The following CYP26C1 variants were observed in gnomAD, a reference collection of about 807,000 sequenced individuals.
CYP26C1 encodes the protein cytochrome P450 family 26 subfamily C member 1.
CYP26C1 carries 41 observed loss-of-function variants against 39.1 expected under a neutral mutation model. The observed-to-expected ratio is 1.05, with a 90% confidence interval of 0.82 to 1.36. The LOEUF is 1.36. CYP26C1 is among the 40% of genes most tolerant of loss of function. The pLI, the probability that CYP26C1 is intolerant of heterozygous loss-of-function variation, is 0.00. For synonymous variants in CYP26C1, 362 were observed against 350.8 expected (o/e 1.03, Z -0.36); for missense variants, 833 against 752.0 (o/e 1.11, Z -1.26).
rs1239833711 is a variant in CYP26C1 at position 93,062,200 on chromosome 10, G to T, written c.395G>T (p.Gly132Val). ...HILLGSHTLL[G>V]AVGEPHRRRR... ...CTGCTGGGCTCGCACACACTGCTAGGTGCGGTCGGCGAGCCGCACCGGCGG... is the reference window on the plus strand; with the variant it reads ...CTGCTGGGCTCGCACACACTGCTAGTTGCGGTCGGCGAGCCGCACCGGCGG... Residue 132 changes from glycine to valine, a missense_variant, in exon 2 of 6, where the codon GGT (glycine) becomes GTT (valine). Physicochemically the swap from Gly to Val is moderately radical, Grantham distance 109. Transcript: ENST00000651965. 2 of 1,527,970 alleles carry T rather than the reference G, an allele frequency of 1.3e-6. No homozygotes were observed. Among genetic ancestry groups the T allele is most frequent in the Admixed American group, 4.0e-5 (2 of 50,528 alleles). The allele number at this position is 1,527,970 out of a possible 1,614,324, so 94.7% of individuals were successfully genotyped here.
At chr10:93,062,663 A>G (rs760702546) in intron 2 of CYP26C1, 57 bp from the exon 3 acceptor site, 58 of 1,352,374 alleles carry the variant, frequency 4.3e-5, no homozygotes, top group Non-Finnish European at 5.3e-5. Context: ...CTACTCCGGA[A>G]TCGCCAAGCA....
chr10:93,061,902 C>T (rs1056148705), intron 1 of CYP26C1, 108 bp from the exon 2 acceptor site: 1 of 1,148,086 alleles, frequency 8.7e-7, no homozygotes, highest in African/African-American at 1.5e-5. Context: ...TTTGTAAACG[C>T]GCCAGCCAGG....
intron 5 of CYP26C1, among the ~76,000 whole-genome samples, chr10:93,066,856 C>T (rs1333799540): frequency 6.6e-6 from 1 of 152,208 alleles, no homozygotes; most frequent in Non-Finnish European, 1.5e-5. Context: ...ACTCCATCTC[C>T]GTATGACCTT....
chr10:93,063,235 C>G lies in CYP26C1; in HGVS notation c.705+240C>G, dbSNP rs150188987. ...GCCACACGACCTCCGTGGGACGCGC[C>G]TGCCGCGACGCGCTCCAGCCTGAGC... On this transcript the variant is annotated intron_variant, in intron 3 of 5. Transcript: ENST00000651965. 839 of 1,244,918 alleles carry G rather than the reference C, an allele frequency of 6.7e-4. 6 individuals are homozygous for G. In the African/African-American group the frequency reaches 0.012, roughly 18 times the overall value. The allele number at this position is 1,244,918 out of a possible 1,614,324, so 77.1% of individuals were successfully genotyped here. A position where few individuals can be genotyped will look rare whatever the true frequency, so the allele number is the denominator to read the frequency against.
Position 93,068,687 on chromosome 10 carries a change from T to C in CYP26C1, c.1559T>C (p.Leu520Pro), listed in dbSNP as rs1263554121. The C allele has an allele frequency of 1.3e-5, 20 of 1,560,168 alleles. No homozygotes were observed. The highest frequency in any genetic ancestry group is 1.7e-5 in the Non-Finnish European group (19 of 1,149,770). Residue 520 changes from leucine to proline, a missense_variant, in exon 6 of 6, where the codon CTA (leucine) becomes CCA (proline). Physicochemically the swap from Leu to Pro is moderately conservative, Grantham distance 98. Coordinates refer to ENST00000651965, the MANE Select transcript of CYP26C1 (RefSeq NM_183374.3). ...PLTPSVAGNG[L>P]CL ...ACGCCTTCGGTTGCGGGGAATGGGC[T>C]ATGCCTCTGACATGCTTGCGCTCTA...
chr10:93,066,207 C>T lies in CYP26C1; in HGVS notation c.1113C>T (p.Cys371=), dbSNP rs769112872. The stretch of plus-strand genomic sequence containing the variant: ...TGGGCCGTCTGCGCTACGTCGACTG[C>T]GTGGTCAAGGAGGTGCTGCGCCTCC... The part of the protein sequence containing the change: ...AALGRLRYVD[C]VVKEVLRLLP... Residue 371 remains cysteine (C), a synonymous_variant, in exon 5 of 6, where the codon TGC becomes TGT. Transcript: ENST00000651965. The T allele has an allele frequency of 2.0e-6, 3 of 1,475,518 alleles. No homozygotes were observed. Among genetic ancestry groups the T allele is most frequent in the Non-Finnish European group, 1.8e-6 (2 of 1,115,836 alleles). 91.4% of individuals were successfully genotyped at this position (1,475,518 alleles called of 1,614,324 possible).
chr10:93,066,014 C>A lies in CYP26C1; in HGVS notation c.920C>A (p.Ser307Ter). The change falls in exon 5 of 6, where the codon TCG (serine) becomes TAG (stop). Residue 307 changes from serine (S) to a stop codon, truncating the protein, a stop_gained. Transcript: ENST00000651965. LOFTEE classifies it high-confidence loss of function. ...AFFTTASAST[S>*]LVLLLLQHPA... ...TTCACCACGGCCAGTGCCAGCACCT[C>A]GCTCGTCCTGCTGCTACTGCAGCAT... 6.3e-7 allele frequency: 1 copy of A among 1,576,656 alleles called. No individual in the cohort carries two copies. The highest frequency in any genetic ancestry group is 8.6e-7 in the Non-Finnish European group (1 of 1,164,136).
At chr10:93,061,903 G>T in intron 1 of CYP26C1, 107 bp from the exon 2 acceptor site, 1 of 1,162,472 alleles carries the variant, frequency 8.6e-7, no homozygotes, top group Non-Finnish European at 1.2e-6. Flanking sequence ...TTGTAAACGC[G>T]CCAGCCAGGG....
intron 5 of CYP26C1, among the ~76,000 whole-genome samples, chr10:93,068,079 C>T (rs904282954): frequency 2.6e-5 from 4 of 152,168 alleles, no homozygotes; most frequent in Non-Finnish European, 5.9e-5. Context: ...CCATTTTTCC[C>T]CTCATTTTTT....
chr10:93,062,986 C>A lies in CYP26C1; in HGVS notation c.696C>A (p.Gly232=). ...TGCCTCTGGACGTTCCCTTCAGTGG[C>A]CTACGCAAGGTACGGCCGCCCCGGC... ...FSLPLDVPFS[G]LRKGIRARDQ... The change falls in exon 3 of 6, where the codon GGC becomes GGA. Residue 232 remains glycine, a synonymous_variant. Transcript: ENST00000651965. 6.4e-7 allele frequency: 1 copy of A among 1,573,370 alleles called. No individual in the cohort carries two copies. The highest frequency in any genetic ancestry group is 8.6e-7 in the Non-Finnish European group (1 of 1,161,744).
At position 93,062,782 on chromosome 10, in the gene CYP26C1, G is replaced by A; in HGVS notation, c.492G>A (p.Ala164=). Residue 164 remains alanine (A), a synonymous_variant, in exon 3 of 6, where the codon GCG becomes GCA. Coordinates refer to ENST00000651965, the MANE Select transcript of CYP26C1 (RefSeq NM_183374.3). ...GCTACGTGCCGCGCCTGCAGGGGGC[G>A]CTGCGGCATGAGGTGCGCTCCTGGT... is the stretch of plus-strand genomic sequence containing the variant. ...LERYVPRLQG[A]LRHEVRSWCA... is the part of the protein sequence containing the mutation. The A allele has an allele frequency of 6.6e-7, 1 of 1,525,504 alleles. No homozygotes were observed. Among genetic ancestry groups the A allele is most frequent in the Non-Finnish European group, 8.7e-7 (1 of 1,143,024 alleles). 94.5% of individuals were successfully genotyped at this position (1,525,504 alleles called of 1,614,324 possible).
In CYP26C1 at chr10:93,068,998, G is replaced by A; in HGVS notation, c.*301G>A. 3.0e-6 allele frequency: 1 copy of A among 330,482 alleles called. No homozygotes were observed. The highest frequency in any genetic ancestry group is 5.4e-6 in the Non-Finnish European group (1 of 186,214). 20.5% of individuals were successfully genotyped at this position (330,482 alleles called of 1,614,324 possible). On this transcript the variant is annotated 3_prime_UTR_variant, in exon 6 of 6. Coordinates refer to ENST00000651965, the MANE Select transcript of CYP26C1 (RefSeq NM_183374.3). ...GAGGGAATAGATAGATCCCCACGAG[G>A]TGCTGCTTGGCTTCCCCTTCCCGAG...
Position 93,068,666 on chromosome 10 carries a change from CT to C in CYP26C1, c.1540del (p.Ser514ArgfsTer15). On this transcript the variant is annotated frameshift_variant, in exon 6 of 6. Transcript: ENST00000651965. LOFTEE classifies it high-confidence loss of function. ...GLRLFFHPLT[P>X]SVAGNGLCL Reference sequence around the variant, plus strand: ...CGGCTCTTTTTCCACCCCCTCACGCCTTCGGTTGCGGGGAATGGGCTATGCC... The same window carrying C: ...CGGCTCTTTTTCCACCCCCTCACGCCTCGGTTGCGGGGAATGGGCTATGCC... 6.3e-7 allele frequency: 1 copy of C among 1,580,754 alleles called. No homozygotes were observed. Among genetic ancestry groups the C allele is most frequent in the Non-Finnish European group, 8.6e-7 (1 of 1,160,642 alleles).
chr10:93,066,722 T>C (rs184623399), intron 5 of CYP26C1, among the ~76,000 whole-genome samples: 107 of 152,272 alleles, frequency 7.0e-4, no homozygotes, highest in African/African-American at 2.5e-3. Flanking sequence ...GAACCCCTCA[T>C]TGCGACCGGT....
rs868405318 is a variant in CYP26C1, at chr10:93,065,983, G to T, written c.889G>T (p.Ala297Ser). The T allele has an allele frequency of 1.9e-6, 3 of 1,582,724 alleles. No individual in the cohort carries two copies. The highest frequency in any genetic ancestry group is 2.8e-5 in the African/African-American group (2 of 72,036). Reference sequence around the variant, plus strand: ...GTCGGCTGTGGAGCTCCTCTTCGCCGCCTTCTTCACCACGGCCAGTGCCAG... The same window carrying T: ...GTCGGCTGTGGAGCTCCTCTTCGCCTCCTTCTTCACCACGGCCAGTGCCAG... ...KESAVELLFA[A>S]FFTTASASTS... Residue 297 changes from alanine to serine, a missense_variant, in exon 5 of 6, where the codon GCC becomes TCC. By Grantham distance (99) the Ala-to-Ser change is moderately conservative (BLOSUM62 1). Coordinates refer to ENST00000651965, the MANE Select transcript of CYP26C1 (RefSeq NM_183374.3).
At chr10:93,062,664 T>C (rs1846766147) in intron 2 of CYP26C1, 56 bp from the exon 3 acceptor site, 1 of 1,355,628 alleles carries the variant, frequency 7.4e-7, no homozygotes, top group Admixed American at 3.5e-5. Context: ...TACTCCGGAA[T>C]CGCCAAGCAG....
At position 93,061,469 on chromosome 10, in the gene CYP26C1, T is replaced by TGA. The variant is rs1385684380; in HGVS notation, c.204+4_204+5dup. On this transcript the variant is annotated splice_region_variant and intron_variant, in intron 1 of 5. Coordinates refer to ENST00000651965, the MANE Select transcript of CYP26C1 (RefSeq NM_183374.3). ...GAAACGCTGCACTGGTTAGTTCAGG[T>TGA]GAGCAGTCCTTCGACCCCGAGCGCT... The TGA allele has an allele frequency of 6.5e-7, 1 of 1,549,618 alleles. No individual in the cohort carries two copies. Among genetic ancestry groups the TGA allele is most frequent in the Non-Finnish European group, 8.7e-7 (1 of 1,147,320 alleles).
At chr10:93,066,783 C>G (rs949150940) in intron 5 of CYP26C1, among the ~76,000 whole-genome samples, 2 of 152,130 alleles carry the variant, frequency 1.3e-5, no homozygotes, top group Non-Finnish European at 2.9e-5. Context: ...ATTAAAATAC[C>G]GGGTAGACGC....
chr10:93,064,588 C>T, intron 4 of CYP26C1, 52 bp downstream of exon 4: 1 of 1,573,694 alleles, frequency 6.4e-7, no homozygotes, highest in Non-Finnish European at 8.6e-7. Context: ...CCCAGCAGGT[C>T]CCTACACCAA....
Sources: allele counts gnomAD v4.1 joint callset (sites outside exome capture counted in the v4.1 genomes callset), GRCh38; gene constraint gnomAD v4.1.1; transcripts MANE v1.5; gene names NCBI Gene and HGNC (gene_info 2026-07-23, HGNC 2026-07-21).